ABCA7: variants seen among roughly 807,000 people sequenced by gnomAD.
ABCA7 encodes ATP binding cassette subfamily A member 7, also known as phospholipid-transporting ATPase ABCA7.
ABCA7 carries 261 observed loss-of-function variants against 227.6 expected under a neutral mutation model. The ratio of observed to expected loss-of-function variants is 1.15; its 90% CI spans 1.04 to 1.27. The LOEUF is 1.27. ABCA7 is among the 50% of genes most tolerant of loss of function. ABCA7 has a pLI of 0.00. For synonymous variants in ABCA7, 1,488 were observed against 1,279.7 expected (o/e 1.16, Z -3.47); for missense variants, 3,331 against 2,924.5 (o/e 1.14, Z -3.21).
chr19:1,063,630 G>C lies in ABCA7; in HGVS notation c.5799G>C (p.Lys1933Asn), dbSNP rs1177330621. Residue 1933 changes from lysine (K) to asparagine (N), a missense_variant, in exon 43 of 47, where the codon AAG (lysine) becomes AAC (asparagine). Transcript: ENST00000263094. Reference protein sequence around the residue: ...AGTYSGGNKRKLATALALVGD... With the variant: ...AGTYSGGNKRNLATALALVGD... ...CCTACAGCGGAGGGAACAAACGCAA[G>C]CTGGCGACGGCCCTGGCGCTGGTTG... 2 of 1,611,182 alleles carry C rather than the reference G, an allele frequency of 1.2e-6. No homozygotes were observed. The highest frequency in any genetic ancestry group is 1.1e-5 in the South Asian group (1 of 91,040).
chr19:1,062,315 T>G lies in ABCA7; in HGVS notation c.5712+2T>G. ...GTCCCGGAGGCCCAGGTTGCCCAGG[T>G]GAGCCCACTTTGTCCCCACCGCTCT... On this transcript the variant is annotated splice_donor_variant, in intron 42 of 46. Transcript: ENST00000263094. LOFTEE classifies it high-confidence loss of function. 6.2e-7 allele frequency: 1 copy of G among 1,601,940 alleles called. No homozygotes were observed.
At chr19:1,055,412 G>T in intron 30 of ABCA7, 61 bp downstream of exon 30, 1 of 1,482,746 alleles carries the variant, frequency 6.7e-7, no homozygotes. Flanking sequence ...GGTTGCTGGG[G>T]CTGGTGTGGT....
intron 40 of ABCA7, 29 bp downstream of exon 40, chr19:1,059,114 G>A (rs1356334083): frequency 1.2e-6 from 2 of 1,605,072 alleles, no homozygotes; most frequent in Admixed American, 1.7e-5. Context: ...GCCAGGTGCA[G>A]GGACAGTGAG....
At chr19:1,047,750 G>T (rs1018404890) in intron 16 of ABCA7, 96 bp downstream of exon 16, 1 of 1,346,518 alleles carries the variant, frequency 7.4e-7, no homozygotes, top group Non-Finnish European at 9.9e-7. Flanking sequence ...GGGGTGGGGG[G>T]TGGCTTATTC....
At chr19:1,064,726 T>G in intron 45 of ABCA7, 1 of 855,164 alleles carries the variant, frequency 1.2e-6, no homozygotes, top group African/African-American at 1.9e-5. Context: ...ATAAAAAATT[T>G]AAAAATTAGC....
At chr19:1,064,036 G>A (rs2042867692) in intron 44 of ABCA7, 125 bp from the exon 45 acceptor site, 9 of 1,339,940 alleles carry the variant, frequency 6.7e-6, no homozygotes, top group Non-Finnish European at 9.0e-6. Flanking sequence ...GGATCAGAAC[G>A]GTCTGGGGAA....
rs749784272 is a variant in ABCA7 at position 1,047,296 on chromosome 19, T to G, written c.1985T>G (p.Leu662Arg). 5 of 1,604,824 alleles carry G rather than the reference T, an allele frequency of 3.1e-6. No homozygotes were observed. Among genetic ancestry groups the G allele is most frequent in the Middle Eastern group, 1.7e-4 (1 of 6,054 alleles). ...RANLAAACGG[L>R]AYFSLYLPYV... ...AACCTGGCTGCGGCCTGCGGCGGCCTGGCCTACTTCTCCCTCTACCTGCCC... is the reference window on the plus strand; with the variant it reads ...AACCTGGCTGCGGCCTGCGGCGGCCGGGCCTACTTCTCCCTCTACCTGCCC... Residue 662 changes from leucine to arginine, a missense_variant, in exon 15 of 47, where the codon CTG (leucine) becomes CGG (arginine). Leu to Arg is a moderately radical substitution (Grantham distance 102). Transcript: ENST00000263094.
intron 31 of ABCA7, 60 bp downstream of exon 31, chr19:1,055,999 G>GC: frequency 6.4e-7 from 1 of 1,550,576 alleles, no homozygotes; most frequent in Non-Finnish European, 8.7e-7. Context: ...CCCTCTGCCT[G>GC]CCCCCTGGGA....
chr19:1,057,113 C>T (rs1309198152), intron 34 of ABCA7, 29 bp downstream of exon 34: 3 of 1,599,032 alleles, frequency 1.9e-6, no homozygotes, highest in Admixed American at 1.7e-5. Context: ...CGGGTGGGGG[C>T]CCAGCCACTG....
chr19:1,054,407 C>A lies in ABCA7; in HGVS notation c.3726+66C>A. ...GAGTTCCCTACCCTGGCCGTCCACT[C>A]AGTGGCCTAATCCAAACCCTTACCC... On this transcript the variant is annotated intron_variant, in intron 27 of 46. Transcript: ENST00000263094. This position sits in a 1 kb window ranked among gnomAD's most constrained non-coding sequence, Gnocchi z 4.8. 6.4e-7 allele frequency: 1 copy of A among 1,554,984 alleles called. No individual in the cohort carries two copies. The highest frequency in any genetic ancestry group is 1.2e-5 in the South Asian group (1 of 85,542).
chr19:1,057,867 G>A (rs774920249), intron 35 of ABCA7, 48 bp from the exon 36 acceptor site: 8 of 1,605,848 alleles, frequency 5.0e-6, no homozygotes, highest in Admixed American at 1.7e-5. Context: ...TCCTCTCAGG[G>A]CTTCTCAGTC....
Position 1,046,784 on chromosome 19 carries a change from C to A in ABCA7, c.1623-18C>A. 6.5e-7 allele frequency: 1 copy of A among 1,534,288 alleles called. No homozygotes were observed. The highest frequency in any genetic ancestry group is 1.2e-5 in the South Asian group (1 of 83,970). On this transcript the variant is annotated intron_variant, in intron 13 of 46. Coordinates refer to ENST00000263094, the MANE Select transcript of ABCA7 (RefSeq NM_019112.4). Reference sequence around the variant, plus strand: ...TGCGGAGGGTCTCCAGCCTCCACCCCAGCCGTCCCCACCCCAGGTTCCTGC... The same window carrying A: ...TGCGGAGGGTCTCCAGCCTCCACCCAAGCCGTCCCCACCCCAGGTTCCTGC...
chr19:1,057,035 G>A lies in ABCA7; in HGVS notation c.4715G>A (p.Gly1572Glu). The A allele has an allele frequency of 1.9e-6, 3 of 1,613,738 alleles. No individual in the cohort carries two copies. Among genetic ancestry groups the A allele is most frequent in the Non-Finnish European group, 2.5e-6 (3 of 1,179,968 alleles). ...VTRAKHLQLM[G>E]GLSPTLYWLG... is the part of the protein sequence containing the mutation. ...CGAGCCAAGCACCTGCAGCTCATGGGGGGCCTGTCCCCCACCCTCTACTGG... is the reference window on the plus strand; with the variant it reads ...CGAGCCAAGCACCTGCAGCTCATGGAGGGCCTGTCCCCCACCCTCTACTGG... Residue 1572 changes from glycine (G) to glutamate (E), a missense_variant, in exon 34 of 47, where the codon GGG becomes GAG. Gly to Glu is a moderately conservative substitution (Grantham distance 98, BLOSUM62 -2). Transcript: ENST00000263094.
Position 1,055,184 on chromosome 19 carries a change from G to A in ABCA7, c.4038G>A (p.Gln1346=), listed in dbSNP as rs745380639. The A allele has an allele frequency of 1.2e-6, 2 of 1,612,418 alleles. No individual in the cohort carries two copies. The highest frequency in any genetic ancestry group is 1.1e-5 in the South Asian group (1 of 91,028). Reference sequence around the variant, plus strand: ...CAGAGTCTCCATCCCCAGCCTGCCAGTGTAGCCGGCCCGGTGCCCGGCGCC... The same window carrying A: ...CAGAGTCTCCATCCCCAGCCTGCCAATGTAGCCGGCCCGGTGCCCGGCGCC... ...WTPESPSPAC[Q]CSRPGARRLL... Residue 1346 remains glutamine, a synonymous_variant, in exon 30 of 47, where the codon CAG becomes CAA. Coordinates refer to ENST00000263094, the MANE Select transcript of ABCA7 (RefSeq NM_019112.4).
chr19:1,051,632 C>T (rs370948819), intron 21 of ABCA7, 46 bp downstream of exon 21: 22 of 1,566,278 alleles, frequency 1.4e-5, no homozygotes, highest in East Asian at 2.3e-5. Flanking sequence ...AGGCTTCTGA[C>T]AAGGAAGTGC....
chr19:1,045,522 G>C (rs913482006), intron 12 of ABCA7: 1 of 425,350 alleles, frequency 2.4e-6, no homozygotes, highest in East Asian at 4.3e-5. Flanking sequence ...CCTGGAATAA[G>C]GGTGGAGCTA....
Position 1,065,419 on chromosome 19 carries a change from G to T in ABCA7, c.6435G>T (p.Val2145=). 5 of 1,613,236 alleles carry T rather than the reference G, an allele frequency of 3.1e-6. No homozygotes were observed. Among genetic ancestry groups the T allele is most frequent in the Non-Finnish European group, 4.2e-6 (5 of 1,179,858 alleles). The change falls in exon 47 of 47, where the codon GTG becomes GTT. Residue 2145 remains valine, a synonymous_variant. Coordinates refer to ENST00000263094, the MANE Select transcript of ABCA7 (RefSeq NM_019112.4). ...ATGACCCTAGCACTGCCGAGACTGT[G>T]CTCTGAGCCTCCCTCCCCTGCGGGG... The part of the protein sequence containing the change: ...FLDDPSTAET[V]L
In ABCA7 at chr19:1,054,938, C is replaced by G. The variant is rs2042114551; in HGVS notation, c.3950+60C>G. On this transcript the variant is annotated intron_variant, in intron 29 of 46. Transcript: ENST00000263094. The surrounding 1 kb of genome is among the most constrained non-coding windows in gnomAD (Gnocchi z 4.8). ...TCTGGCCTCAGTTTTCCCATCTGGTCCCTGGCCAGGGAGCCTCAGGGGGCA... is the reference window on the plus strand; with the variant it reads ...TCTGGCCTCAGTTTTCCCATCTGGTGCCTGGCCAGGGAGCCTCAGGGGGCA... The G allele has an allele frequency of 3.9e-6, 6 of 1,555,342 alleles. No individual in the cohort carries two copies. The Admixed American group carries it at 9.2e-5, about 24-fold the overall frequency.
chr19:1,045,439 T>G, intron 12 of ABCA7: 1 of 598,294 alleles, frequency 1.7e-6, no homozygotes, highest in Non-Finnish European at 3.0e-6. Flanking sequence ...GGCGTGGCCA[T>G]GGGCCTGAGA....
Sources: gnomAD v4.1 joint callset for allele counts on GRCh38, gnomAD v4.1.1 for gene constraint, Gnocchi (gnomAD v3.1) non-coding constraint, MANE v1.5 for transcripts, NCBI Gene and HGNC (gene_info 2026-07-23, HGNC 2026-07-21) for gene names.